FAF1: variants seen among roughly 807,000 people sequenced by gnomAD.
FAF1 encodes FAS-associated factor 1.
A neutral mutation model predicts 92.5 loss-of-function variants in FAF1; 25 were observed. The observed-to-expected ratio is 0.27, with a 90% confidence interval of 0.20 to 0.38. The LOEUF (loss-of-function observed/expected upper bound fraction) is 0.38, where lower values mean the gene tolerates loss of function less well. Among genes scored for constraint, FAF1 ranks in the 10% least tolerant of loss-of-function variants. The pLI is 1.00. For synonymous variants in FAF1, 234 were observed against 273.2 expected, an observed-to-expected ratio of 0.86 and a Z score of 1.42; for missense variants, 636 against 793.3, an observed-to-expected ratio of 0.80 and a Z score of 2.38.
intron 2 of FAF1, among the ~76,000 whole-genome samples, chr1:50,842,174 G>A (rs1382287596): frequency 6.6e-6 from 1 of 152,032 alleles, no homozygotes; most frequent in East Asian, 1.9e-4. Flanking sequence ...CACTAACTAG[G>A]AGTACTGACC....
intron 2 of FAF1, among the ~76,000 whole-genome samples, chr1:50,838,935 C>T (rs1366344540): frequency 6.6e-6 from 1 of 152,018 alleles, no homozygotes; most frequent in Non-Finnish European, 1.5e-5. Flanking sequence ...GTATTCACTA[C>T]CAAATTATAA....
At chr1:50,761,400 G>C (rs527679504) in intron 4 of FAF1, among the ~76,000 whole-genome samples, 2 of 152,230 alleles carry the variant, frequency 1.3e-5, no homozygotes, top group African/African-American at 4.8e-5. Flanking sequence ...GAGAATTTTA[G>C]ACCAATATCC....
rs551643267 is a variant in FAF1, at chr1:50,743,623, C to T, written c.459+1061G>A. On this transcript the variant is annotated intron_variant, in intron 5 of 18. Transcript: ENST00000396153. Reference sequence around the variant, plus strand: ...GATTATAGGCGTGAGCCACTGCGCCCAGCCAAAAGTTGAAAATTCTAAGTT... The same window carrying T: ...GATTATAGGCGTGAGCCACTGCGCCTAGCCAAAAGTTGAAAATTCTAAGTT... Among the ~76,000 whole-genome samples, 211 of 152,212 alleles carry T rather than the reference C, an allele frequency of 1.4e-3. 2 individuals carry two copies. The highest frequency in any genetic ancestry group is 6.9e-4 in the Non-Finnish European group (47 of 68,010).
At chr1:50,649,160 A>T (rs1208941825) in intron 8 of FAF1, among the ~76,000 whole-genome samples, 1 of 141,296 alleles carries the variant, frequency 7.1e-6, no homozygotes, top group Non-Finnish European at 1.5e-5. Flanking sequence ...ATTCATTTTA[A>T]TTTTTTTTTT....
chr1:50,791,623 G>A (rs1322698564), intron 3 of FAF1, among the ~76,000 whole-genome samples: 1 of 152,144 alleles, frequency 6.6e-6, no homozygotes, highest in Non-Finnish European at 1.5e-5. Context: ...CCTTAGACAT[G>A]AGCAGCAGCT....
chr1:50,718,844 T>C (rs1485042653), intron 6 of FAF1, among the ~76,000 whole-genome samples: 2 of 152,198 alleles, frequency 1.3e-5, no homozygotes, highest in Admixed American at 1.3e-4. Flanking sequence ...TTTAGCTACA[T>C]CAAGATTTTA....
chr1:50,641,600 G>A (rs1368643677), intron 8 of FAF1, among the ~76,000 whole-genome samples: 2 of 152,094 alleles, frequency 1.3e-5, no homozygotes, highest in Admixed American at 1.3e-4. Flanking sequence ...TATGGTCCAG[G>A]TTATAGTCTA....
chr1:50,778,312 T>G (rs186144033), intron 4 of FAF1, among the ~76,000 whole-genome samples: 45 of 152,216 alleles, frequency 3.0e-4, no homozygotes, highest in African/African-American at 1.0e-3. Flanking sequence ...CAATAAATAT[T>G]CTCTATCTGG....
At chr1:50,946,054 AC>A (rs939945354) in intron 1 of FAF1, among the ~76,000 whole-genome samples, 6 of 152,212 alleles carry the variant, frequency 3.9e-5, no homozygotes, top group African/African-American at 1.4e-4. Flanking sequence ...TGAAGTGGGA[AC>A]TAAAGTTTCC....
intron 6 of FAF1, among the ~76,000 whole-genome samples, chr1:50,707,202 C>CAAA (rs397862445): frequency 0.044 from 4,690 of 106,732 alleles, 324 homozygotes; most frequent in African/African-American, 0.14. Flanking sequence ...GACTCTGTGT[C>CAAA]AAAAAAAAAA....
intron 1 of FAF1, among the ~76,000 whole-genome samples, chr1:50,946,024 G>A (rs918080138): frequency 6.6e-6 from 1 of 152,240 alleles, no homozygotes. Context: ...CCACTGAGCT[G>A]ACGGCTTTGC....
intron 6 of FAF1, among the ~76,000 whole-genome samples, chr1:50,724,272 C>T (rs1160856931): frequency 8.0e-6 from 1 of 124,586 alleles, no homozygotes; most frequent in African/African-American, 3.5e-5. Flanking sequence ...TATATATATA[C>T]ATATACACAC....
intron 18 of FAF1, among the ~76,000 whole-genome samples, chr1:50,442,104 T>C (rs946264776): frequency 1.3e-5 from 2 of 152,154 alleles, no homozygotes; most frequent in Non-Finnish European, 2.9e-5. Flanking sequence ...AAATCATAAT[T>C]TTGTAATATG....
chr1:50,452,489 A>G (rs927143870), intron 18 of FAF1, among the ~76,000 whole-genome samples: 10 of 152,182 alleles, frequency 6.6e-5, no homozygotes, highest in Non-Finnish European at 1.5e-5. Context: ...ACCATTTTCA[A>G]TGTGTGTGGT....
At chr1:50,456,455 GAGAGAGAAAGAAACC>G (rs1345832869) in intron 18 of FAF1, among the ~76,000 whole-genome samples, 8 of 152,158 alleles carry the variant, frequency 5.3e-5, no homozygotes, top group African/African-American at 1.9e-4. Flanking sequence ...AGGGGAGGGT[GAGAGAGAAAGAAACC>G]AGGAATGTCA....
intron 8 of FAF1, among the ~76,000 whole-genome samples, chr1:50,635,852 G>A (rs1392697147): frequency 1.3e-5 from 2 of 152,156 alleles, no homozygotes; most frequent in Non-Finnish European, 2.9e-5. Flanking sequence ...ATTTAGGTCA[G>A]CTACTAGGGG....
chr1:50,819,553 G>A (rs916367294), intron 2 of FAF1, among the ~76,000 whole-genome samples: 5 of 149,086 alleles, frequency 3.4e-5, no homozygotes. Flanking sequence ...CTTGAGCCCA[G>A]GAGTTCGAGA....
chr1:50,782,650 G>A (rs1661219441), intron 4 of FAF1, among the ~76,000 whole-genome samples: 1 of 151,780 alleles, frequency 6.6e-6, no homozygotes, highest in Admixed American at 6.6e-5. Context: ...CAAAATGCTG[G>A]GATTACTGGC....
chr1:50,834,394 C>T (rs930616169), intron 2 of FAF1, among the ~76,000 whole-genome samples: 3 of 152,204 alleles, frequency 2.0e-5, no homozygotes, highest in African/African-American at 7.2e-5. Context: ...ACTCGTAAGA[C>T]CACTACCAAC....
Sources: allele counts gnomAD v4.1 joint callset (sites outside exome capture counted in the v4.1 genomes callset), GRCh38; gene constraint gnomAD v4.1.1; transcripts MANE v1.5; gene names NCBI Gene and HGNC (gene_info 2026-07-23, HGNC 2026-07-21).